The following TRPM8 variants were observed in gnomAD, a reference collection of about 807,000 sequenced individuals.
TRPM8 encodes the protein transient receptor potential cation channel subfamily M member 8.
A neutral mutation model predicts 133.7 loss-of-function variants in TRPM8; 110 were observed. That is an observed-to-expected ratio of 0.82 (90% CI 0.70 to 0.96). TRPM8 has a LOEUF of 0.96. Ranked by LOEUF, TRPM8 falls within the 40% of genes least tolerant of loss-of-function variation. The pLI is 0.00. For synonymous variants in TRPM8, 535 were observed against 532.3 expected, an observed-to-expected ratio of 1.01 and a Z score of -0.07; for missense variants, 1,291 against 1,379.5, an observed-to-expected ratio of 0.94 and a Z score of 1.02.
intron 24 of TRPM8, chr2:234,013,575 A>C (rs1692891090): frequency 2.6e-5 from 4 of 152,170 alleles, no homozygotes; most frequent in African/African-American, 7.2e-5. Context: ...ACCAACTCTT[A>C]CTTTCAATGA....
chr2:233,939,096 C>T lies in TRPM8; in HGVS notation c.447C>T (p.Thr149=), dbSNP rs764245476. The change falls in exon 5 of 26, where the codon ACC becomes ACT. Residue 149 remains threonine (T), a synonymous_variant. Transcript: ENST00000324695. ...LKTPNLVISV[T]GGAKNFALKP... ...CACCCAACCTGGTCATTTCTGTGAC[C>T]GGGGGCGCCAAGAACTTCGCCCTGA... 2.2e-5 allele frequency: 35 copies of T among 1,614,134 alleles called. No homozygotes were observed. The Middle Eastern group carries it at 4.9e-4, about 23-fold the overall frequency.
chr2:234,008,078 A>G lies in TRPM8; in HGVS notation c.3239A>G (p.His1080Arg), dbSNP rs746527035. 6 of 1,604,800 alleles carry G rather than the reference A, an allele frequency of 3.7e-6. No homozygotes were observed. The South Asian group carries it at 5.7e-5, about 15-fold the overall frequency. Residue 1080 changes from histidine to arginine, a missense_variant, in exon 24 of 26, where the codon CAT becomes CGT. By Grantham distance (29) the His-to-Arg change is conservative. This residue lies in a region of TRPM8 where 328 missense variants were observed against 410.6 expected (regional missense o/e 0.80). Coordinates refer to ENST00000324695, the MANE Select transcript of TRPM8 (RefSeq NM_024080.5). The part of the protein sequence containing the change: ...KANDTSEEMR[H>R]RFRQLDTKLN... ...CATTAACTTCTTTGCAGAATGAGGCATCGATTTAGACAACTGGATACAAAG... is the reference window on the plus strand; with the variant it reads ...CATTAACTTCTTTGCAGAATGAGGCGTCGATTTAGACAACTGGATACAAAG...
chr2:233,939,535 C>G (rs1044708738), intron 5 of TRPM8, among the ~76,000 whole-genome samples: 1 of 152,138 alleles, frequency 6.6e-6, no homozygotes, highest in African/African-American at 2.4e-5. Context: ...ATTGTGAGAT[C>G]GGTGATGCAC....
At chr2:233,981,057 A>G (rs990725521) in intron 18 of TRPM8, among the ~76,000 whole-genome samples, 29 of 152,336 alleles carry the variant, frequency 1.9e-4, no homozygotes, top group African/African-American at 6.3e-4. Context: ...TTTTTAAAAA[A>G]TATAAGGCTA....
intron 11 of TRPM8, among the ~76,000 whole-genome samples, chr2:233,960,411 C>T (rs1691403976): frequency 6.6e-6 from 1 of 152,072 alleles, no homozygotes; most frequent in Non-Finnish European, 1.5e-5. Flanking sequence ...CTCCACACCC[C>T]CACCCCCGAT....
At chr2:233,983,009 T>G (rs1213832635) in intron 19 of TRPM8, 44 bp from the exon 20 acceptor site, 1 of 1,583,312 alleles carries the variant, frequency 6.3e-7, no homozygotes, top group East Asian at 2.3e-5. Flanking sequence ...ACTTGCCAAC[T>G]GTGGGCACGG....
At chr2:233,945,834 C>T in intron 6 of TRPM8, 22 bp from the exon 7 acceptor site, 1 of 1,596,874 alleles carries the variant, frequency 6.3e-7, no homozygotes, top group Non-Finnish European at 8.6e-7. Flanking sequence ...ATCTCAAAGA[C>T]AAGTTTCCCT....
At chr2:233,948,177 A>G (rs1177451432) in intron 8 of TRPM8, among the ~76,000 whole-genome samples, 1 of 152,228 alleles carries the variant, frequency 6.6e-6, no homozygotes, top group Non-Finnish European at 1.5e-5. Context: ...ATCATCATCT[A>G]GTACTTCTCA....
intron 15 of TRPM8, among the ~76,000 whole-genome samples, chr2:233,969,129 G>A (rs376593482): frequency 8.6e-5 from 13 of 152,018 alleles, no homozygotes; most frequent in East Asian, 1.9e-4. Context: ...GAATTTGAAC[G>A]TACACAACTA....
At chr2:234,003,460 A>C (rs956126248) in intron 22 of TRPM8, among the ~76,000 whole-genome samples, 3 of 152,156 alleles carry the variant, frequency 2.0e-5, no homozygotes, top group Non-Finnish European at 4.4e-5. Flanking sequence ...TATCAGGGAG[A>C]GGATTTGGAA....
chr2:233,939,734 G>A (rs971968348), intron 5 of TRPM8, among the ~76,000 whole-genome samples: 3 of 152,150 alleles, frequency 2.0e-5, no homozygotes, highest in Non-Finnish European at 4.4e-5. Context: ...TCTTCACCTA[G>A]ATTCACCAAT....
chr2:233,947,290 A>T (rs1402711095), intron 8 of TRPM8, 135 bp downstream of exon 8: 2 of 1,549,966 alleles, frequency 1.3e-6, no homozygotes, highest in East Asian at 2.4e-5. Context: ...TTCCCTCCAC[A>T]TACTGTTCCC....
intron 25 of TRPM8, among the ~76,000 whole-genome samples, chr2:234,015,671 G>T (rs980164042): frequency 6.6e-6 from 1 of 152,166 alleles, no homozygotes; most frequent in African/African-American, 2.4e-5. Context: ...ATATTAAAAA[G>T]CACTGTATTA....
intron 8 of TRPM8, chr2:233,947,683 T>A: frequency 9.0e-7 from 1 of 1,105,892 alleles, no homozygotes; most frequent in Non-Finnish European, 1.2e-6. Context: ...GAGCAAGAAT[T>A]TGACTTCCCA....
chr2:233,919,706 G>A (rs1691371393), intron 1 of TRPM8, among the ~76,000 whole-genome samples: 3 of 151,854 alleles, frequency 2.0e-5, no homozygotes, highest in Admixed American at 1.3e-4. Flanking sequence ...ACAGTGCCTG[G>A]CACATAATAG....
chr2:233,983,402 C>T (rs1692063811), intron 20 of TRPM8, 178 bp downstream of exon 20: 7 of 673,784 alleles, frequency 1.0e-5, no homozygotes, highest in East Asian at 8.5e-5. Flanking sequence ...CAAGATTTTA[C>T]ATCAGCCTTG....
At chr2:233,927,860 C>CTT (rs1553653795) in intron 2 of TRPM8, among the ~76,000 whole-genome samples, 878 of 23,994 alleles carry the variant, frequency 0.037, 159 homozygotes, top group Admixed American at 0.045. Context: ...TCCTTTCTTT[C>CTT]TCTTTCTTTC....
At chr2:233,955,350 C>CTTTTTTTTTTTTTTTTTTTTTAA in intron 11 of TRPM8, 100 bp downstream of exon 11, 1 of 820,902 alleles carries the variant, frequency 1.2e-6, no homozygotes, top group Non-Finnish European at 2.0e-6. Context: ...TACCAAATCT[C>CTTTTTTTTTTTTTTTTTTTTTAA]TTAAAGGATT....
chr2:233,941,719 T>C (rs1311501936), intron 5 of TRPM8, among the ~76,000 whole-genome samples: 2 of 152,024 alleles, frequency 1.3e-5, no homozygotes, highest in African/African-American at 2.4e-5. Flanking sequence ...GGTATTGTAT[T>C]TGTTGTACTT....
Sources: gnomAD v4.1 joint callset for allele counts (sites outside exome capture counted in the v4.1 genomes callset) on GRCh38, gnomAD v4.1.1 for gene constraint, gnomAD v4.1.1 regional missense constraint, MANE v1.5 for transcripts, NCBI Gene and HGNC (gene_info 2026-07-23, HGNC 2026-07-21) for gene names.